PIK3R3: variants seen among roughly 807,000 people sequenced by gnomAD.
PIK3R3 encodes phosphatidylinositol 3-kinase regulatory subunit gamma.
PIK3R3 carries 64 observed loss-of-function variants against 62.9 expected under a neutral mutation model. That is an observed-to-expected ratio of 1.02 (90% confidence interval 0.83 to 1.25). The LOEUF (loss-of-function observed/expected upper bound fraction) is 1.25, where lower values mean the gene tolerates loss of function less well. Among genes scored for constraint, PIK3R3 ranks in the 50% most tolerant of loss-of-function variants. PIK3R3 has a pLI of 0.00. For synonymous variants in PIK3R3, 165 were observed against 189.0 expected (o/e 0.87, Z 1.04); for missense variants, 614 against 561.6 (o/e 1.09, Z -0.94).
intron 2 of PIK3R3, among the ~76,000 whole-genome samples, chr1:46,080,064 C>CTTT (rs1226844650): frequency 7.1e-6 from 1 of 140,840 alleles, no homozygotes; most frequent in African/African-American, 2.6e-5. Flanking sequence ...TTTTTCTTTT[C>CTTT]TTTTTTTTTT....
chr1:46,062,995 T>C (rs528118748), intron 5 of PIK3R3, among the ~76,000 whole-genome samples: 2 of 152,334 alleles, frequency 1.3e-5, no homozygotes, highest in African/African-American at 2.4e-5. Context: ...GAATCCACTA[T>C]ACAGAAATTA....
At position 46,097,966 on chromosome 1, in the gene PIK3R3, G is replaced by GA. The variant is rs1652302874; in HGVS notation, c.107-17217dup. Among the ~76,000 whole-genome samples the GA allele has an allele frequency of 2.6e-5, 4 of 151,068 alleles. No homozygotes were observed. In the South Asian group the frequency reaches 8.4e-4, roughly 32 times the overall value. ...AATAAAAAGCATCCAGAGAGAAAAGGAAAATGACGATCTCTATTTGCATAC... is the reference window on the plus strand; with the variant it reads ...AATAAAAAGCATCCAGAGAGAAAAGGAAAAATGACGATCTCTATTTGCATAC... On this transcript the variant is annotated intron_variant, in intron 1 of 9. Coordinates refer to ENST00000262741, the MANE Select transcript of PIK3R3 (RefSeq NM_003629.4).
chr1:46,124,986 C>T (rs1221980402), intron 1 of PIK3R3, among the ~76,000 whole-genome samples: 2 of 152,018 alleles, frequency 1.3e-5, no homozygotes, highest in Non-Finnish European at 2.9e-5. Context: ...GTAATCCCAG[C>T]TACTCGGGAG....
At chr1:46,138,791 CATG>C in the PIK3R3 span, 1 of 152,212 alleles carries the variant, frequency 6.6e-6, no homozygotes, top group Non-Finnish European at 1.5e-5. Flanking sequence ...ATGTAAAAGG[CATG>C]AACATGATTG....
chr1:46,081,826 AAAGG>A (rs1650619475), intron 1 of PIK3R3, among the ~76,000 whole-genome samples: 1 of 152,198 alleles, frequency 6.6e-6, no homozygotes, highest in Non-Finnish European at 1.5e-5. Context: ...CATGTGCCAA[AAAGG>A]AAGGAAGTGC....
chr1:46,118,679 C>T (rs1482902505), intron 1 of PIK3R3, among the ~76,000 whole-genome samples: 3 of 151,692 alleles, frequency 2.0e-5, no homozygotes, highest in East Asian at 3.9e-4. Context: ...CCTCAGCCTC[C>T]CAAGTACCTG....
chr1:46,051,209 A>G (rs1201536179), intron 7 of PIK3R3, among the ~76,000 whole-genome samples: 3 of 152,162 alleles, frequency 2.0e-5, no homozygotes, highest in Non-Finnish European at 4.4e-5. Flanking sequence ...GTATCTCAAT[A>G]AAGTTGTAAA....
chr1:46,174,652 C>T, the PIK3R3 span, among the ~76,000 whole-genome samples: 4 of 152,066 alleles, frequency 2.6e-5, no homozygotes, highest in East Asian at 1.9e-4. Flanking sequence ...ATGTTCCCAG[C>T]GACTAAGACA....
chr1:46,087,314 TA>T (rs112363497), intron 1 of PIK3R3, among the ~76,000 whole-genome samples: 90 of 139,516 alleles, frequency 6.5e-4, no homozygotes, highest in Non-Finnish European at 4.7e-4. Context: ...TTTTAGAATG[TA>T]AAAAAAAAAA....
chr1:46,077,567 A>T lies in PIK3R3; in HGVS notation c.262T>A (p.Leu88Met), dbSNP rs1264553948. Residue 88 changes from leucine to methionine, a missense_variant, in exon 3 of 10, where the codon TTG (leucine) becomes ATG (methionine). Leu to Met is a conservative substitution (Grantham distance 15). Coordinates refer to ENST00000262741, the MANE Select transcript of PIK3R3 (RefSeq NM_003629.4). ...ATTTTTGTTGAGGCATCTCGGACCA[A>T]GAAGGTCCCATCTGGCATATCCCGC... ...KLRDMPDGTFLVRDASTKMQG... is the reference protein window; with the variant it reads ...KLRDMPDGTFMVRDASTKMQG... 6.2e-7 allele frequency: 1 copy of T among 1,612,696 alleles called. No individual in the cohort carries two copies. The highest frequency in any genetic ancestry group is 1.3e-5 in the African/African-American group (1 of 75,028).
At chr1:46,100,678 ATAAAT>A (rs1041250351) in intron 1 of PIK3R3, among the ~76,000 whole-genome samples, 13 of 152,220 alleles carry the variant, frequency 8.5e-5, no homozygotes, top group African/African-American at 3.1e-4. Flanking sequence ...TATTGAACTT[ATAAAT>A]TAATTTGGAA....
At chr1:46,043,901 A>G in intron 9 of PIK3R3, 30 bp from the exon 10 acceptor site, 1 of 1,575,332 alleles carries the variant, frequency 6.3e-7, no homozygotes, top group South Asian at 1.1e-5. Flanking sequence ...AAGAAATGTT[A>G]AGGTAGGTAA....
chr1:46,105,836 C>T (rs1399034369), intron 1 of PIK3R3, among the ~76,000 whole-genome samples: 1 of 152,012 alleles, frequency 6.6e-6, no homozygotes, highest in Non-Finnish European at 1.5e-5. Context: ...AAGAGCAAAA[C>T]TCCGCCTCAA....
intron 1 of PIK3R3, among the ~76,000 whole-genome samples, chr1:46,088,879 GAA>G (rs74354949): frequency 4.5e-5 from 6 of 132,076 alleles, no homozygotes; most frequent in East Asian, 2.1e-4. Flanking sequence ...ATCACAAGGG[GAA>G]AAAAAAAAAA....
At chr1:46,050,087 C>G (rs1415595032) in intron 7 of PIK3R3, among the ~76,000 whole-genome samples, 1 of 146,016 alleles carries the variant, frequency 6.8e-6, no homozygotes, top group Non-Finnish European at 1.5e-5. Context: ...TGCCATTGCA[C>G]TCCAGCTTGG....
At chr1:46,090,360 C>G (rs1651506330) in intron 1 of PIK3R3, among the ~76,000 whole-genome samples, 1 of 151,916 alleles carries the variant, frequency 6.6e-6, no homozygotes, top group Non-Finnish European at 1.5e-5. Flanking sequence ...TTGAGACAGT[C>G]TCCCTCTATT....
At position 46,040,631 on chromosome 1, in the gene PIK3R3, TAGC is replaced by T. The variant is rs1169423550; in HGVS notation, c.*3039_*3041del. 2.3e-5 allele frequency: 5 copies of T among 219,102 alleles called. No individual in the cohort carries two copies. Among genetic ancestry groups the T allele is most frequent in the African/African-American group, 4.5e-5 (2 of 44,530 alleles). 13.6% of individuals were successfully genotyped at this position (219,102 alleles called of 1,614,324 possible). Reference sequence around the variant, plus strand: ...CAGAGGCCTACTCTGGGTTGTTAAATAGCAGCAGAGACCACCTTAGAAAACAGG... The same window carrying T: ...CAGAGGCCTACTCTGGGTTGTTAAATAGCAGAGACCACCTTAGAAAACAGG... On this transcript the variant is annotated 3_prime_UTR_variant, in exon 10 of 10. Transcript: ENST00000262741.
chr1:46,141,416 G>A, the PIK3R3 span, among the ~76,000 whole-genome samples: 3 of 151,690 alleles, frequency 2.0e-5, no homozygotes, highest in East Asian at 3.9e-4. Context: ...GATTACAGGC[G>A]CCCACCACCA....
intron 3 of PIK3R3, among the ~76,000 whole-genome samples, chr1:46,068,821 G>A (rs1484504403): frequency 2.0e-5 from 3 of 152,148 alleles, no homozygotes; most frequent in African/African-American, 7.2e-5. Context: ...CAGTCTGTAG[G>A]TTACTGTAAG....
Sources: allele counts gnomAD v4.1 joint callset (sites outside exome capture counted in the v4.1 genomes callset), GRCh38; gene constraint gnomAD v4.1.1; transcripts MANE v1.5; gene names NCBI Gene and HGNC (gene_info 2026-07-23, HGNC 2026-07-21).